CD226: variants seen among roughly 807,000 people sequenced by gnomAD.
CD226 encodes the protein CD226 antigen.
A neutral mutation model predicts 34.9 loss-of-function variants in CD226; 24 were observed. That is an observed-to-expected ratio of 0.69 (90% CI 0.50 to 0.97). CD226 has a LOEUF of 0.97. Among genes scored for constraint, CD226 ranks in the 50% least tolerant of loss-of-function variants. The pLI is 0.00. For missense variants in CD226, 397 were observed against 412.7 expected, an observed-to-expected ratio of 0.96 and a Z score of 0.33; for synonymous variants, 148 against 147.4, an observed-to-expected ratio of 1.00 and a Z score of -0.03.
In CD226 at chr18:69,870,272, CT is replaced by C. The variant is rs66643759; in HGVS notation, c.831-2862del. Among the ~76,000 whole-genome samples the C allele has an allele frequency of 1.0e-2, 1,235 of 124,076 alleles. 26 individuals carry two copies. Among genetic ancestry groups the C allele is most frequent in the East Asian group, 0.098 (418 of 4,264 alleles). 81.4% of individuals were successfully genotyped at this position (124,076 alleles called of 152,430 possible). ...TCTATAGAACACAGTTTGGCTCCCC[CT>C]TTTTTTTTTTTTTTTTTTTGAGACA... On this transcript the variant is annotated intron_variant, in intron 4 of 5. Transcript: ENST00000582621.
chr18:69,901,864 G>A (rs2055190506), intron 2 of CD226, among the ~76,000 whole-genome samples: 1 of 149,572 alleles, frequency 6.7e-6, no homozygotes, highest in Non-Finnish European at 1.5e-5. Context: ...GGGCGACAGA[G>A]CAAGACTCTG....
At chr18:69,913,139 C>T (rs1264105455) in intron 2 of CD226, among the ~76,000 whole-genome samples, 1 of 152,204 alleles carries the variant, frequency 6.6e-6, no homozygotes, top group Non-Finnish European at 1.5e-5. Context: ...GATGCGCCGT[C>T]ATACCTGCCA....
Position 69,947,056 on chromosome 18 carries a change from C to G in CD226, c.60G>C (p.Glu20Asp). 1.2e-6 allele frequency: 2 copies of G among 1,613,278 alleles called. No homozygotes were observed. The highest frequency in any genetic ancestry group is 2.2e-5 in the East Asian group (1 of 44,882). Residue 20 changes from glutamate to aspartate, a missense_variant, in exon 2 of 6, where the codon GAG (glutamate) becomes GAC (aspartate). Transcript: ENST00000582621. ...AGGGAACTGATGTATGCCAAAGCAC[C>G]TCTTCACATAGAGCTGAAATATACA... ...LLHVYRALCE[E>D]VLWHTSVPFA...
At chr18:69,869,255 A>C (rs1019678314) in intron 4 of CD226, among the ~76,000 whole-genome samples, 2 of 152,202 alleles carry the variant, frequency 1.3e-5, no homozygotes, top group African/African-American at 4.8e-5. Context: ...AATCAACCTC[A>C]ATACCCGTCA....
At chr18:69,916,057 A>G (rs1381874403) in intron 2 of CD226, among the ~76,000 whole-genome samples, 2 of 151,684 alleles carry the variant, frequency 1.3e-5, no homozygotes, top group African/African-American at 4.9e-5. Context: ...TTGCCTGTCA[A>G]TAGATTCAAT....
At chr18:69,934,751 A>T (rs1206578118) in intron 2 of CD226, among the ~76,000 whole-genome samples, 1 of 152,186 alleles carries the variant, frequency 6.6e-6, no homozygotes, top group Non-Finnish European at 1.5e-5. Context: ...ATTGTGAATA[A>T]TCTCTCAAGG....
At chr18:69,943,213 T>C (rs2145360037) in intron 2 of CD226, among the ~76,000 whole-genome samples, 1 of 152,306 alleles carries the variant, frequency 6.6e-6, no homozygotes, top group South Asian at 2.1e-4. Context: ...CAGTAAACAC[T>C]AGGTGGCAGA....
At position 69,857,725 on chromosome 18, in the gene CD226, A is replaced by AT. The variant is rs779311476; in HGVS notation, c.*6588dup. The AT allele has an allele frequency of 2.6e-5, 4 of 152,198 alleles. No homozygotes were observed. Among genetic ancestry groups the AT allele is most frequent in the Non-Finnish European group, 5.9e-5 (4 of 68,034 alleles). The allele number at this position is 152,198 out of a possible 1,614,324, so 9.4% of individuals were successfully genotyped here. A position where few individuals can be genotyped will look rare whatever the true frequency, so the allele number is the denominator to read the frequency against. Reference sequence around the variant, plus strand: ...GGAATTTGGAGAACTTATGCTTGGTATTTTAAACTCATGAGAACTTAGTCT... The same window carrying AT: ...GGAATTTGGAGAACTTATGCTTGGTATTTTTAAACTCATGAGAACTTAGTCT... On this transcript the variant is annotated 3_prime_UTR_variant, in exon 6 of 6. Coordinates refer to ENST00000582621, the MANE Select transcript of CD226 (RefSeq NM_001303618.2).
intron 3 of CD226, among the ~76,000 whole-genome samples, chr18:69,884,113 C>T (rs1375649168): frequency 6.6e-6 from 1 of 152,222 alleles, no homozygotes; most frequent in African/African-American, 2.4e-5. Flanking sequence ...CAAGTTCTCA[C>T]ATGCCCACAG....
At chr18:69,874,629 T>C (rs1482442916) in intron 3 of CD226, among the ~76,000 whole-genome samples, 1 of 152,190 alleles carries the variant, frequency 6.6e-6, no homozygotes, top group Non-Finnish European at 1.5e-5. Context: ...TTTCAACCAA[T>C]TCTTCCCCAT....
chr18:69,916,121 G>T (rs1208005281), intron 2 of CD226, among the ~76,000 whole-genome samples: 1 of 152,166 alleles, frequency 6.6e-6, no homozygotes, highest in Non-Finnish European at 1.5e-5. Flanking sequence ...ACATCTAAGT[G>T]ATGCAAATAA....
At position 69,860,747 on chromosome 18, in the gene CD226, T is replaced by C. The variant is rs1000287110; in HGVS notation, c.*3567A>G. ...ATCAGTACTTTCTAGATGTTACATT[T>C]TAATAGTAGCTAAACTAATGATGAC... On this transcript the variant is annotated 3_prime_UTR_variant, in exon 6 of 6. Coordinates refer to ENST00000582621, the MANE Select transcript of CD226 (RefSeq NM_001303618.2). 3 of 152,130 alleles carry C rather than the reference T, an allele frequency of 2.0e-5. No homozygotes were observed. Among genetic ancestry groups the C allele is most frequent in the African/African-American group, 7.2e-5 (3 of 41,454 alleles). 9.4% of individuals were successfully genotyped at this position (152,130 alleles called of 1,614,324 possible).
chr18:69,889,573 A>G (rs1177522871), intron 3 of CD226, among the ~76,000 whole-genome samples: 2 of 152,210 alleles, frequency 1.3e-5, no homozygotes, highest in Non-Finnish European at 2.9e-5. Context: ...GGTTTTTGAC[A>G]GAAATAAAAG....
chr18:69,957,131 C>T (rs951664410), upstream of CD226: 11 of 152,146 alleles, frequency 7.2e-5, no homozygotes, highest in Admixed American at 1.3e-4. Context: ...CCTCTTTTCC[C>T]CCAAAGAATC....
chr18:69,918,008 T>G (rs17081822), intron 2 of CD226, among the ~76,000 whole-genome samples: 6,459 of 152,038 alleles, frequency 0.042, 482 homozygotes, highest in African/African-American at 0.15. Context: ...CATATGAGAT[T>G]AAATTTGTGC....
At chr18:69,901,878 CAA>C (rs372625212) in intron 2 of CD226, among the ~76,000 whole-genome samples, 49 of 109,410 alleles carry the variant, frequency 4.5e-4, no homozygotes, top group South Asian at 3.0e-4. Flanking sequence ...GACTCTGACT[CAA>C]AAAAAAAAAA....
chr18:69,936,595 A>G (rs1236572368), intron 2 of CD226, among the ~76,000 whole-genome samples: 3 of 152,020 alleles, frequency 2.0e-5, no homozygotes, highest in Admixed American at 6.6e-5. Context: ...TAAATGAAAA[A>G]CTGCTAAAAT....
At chr18:69,913,068 C>G (rs1290844271) in intron 2 of CD226, among the ~76,000 whole-genome samples, 1 of 152,134 alleles carries the variant, frequency 6.6e-6, no homozygotes, top group East Asian at 1.9e-4. Flanking sequence ...TAGAAAAGAT[C>G]ACTTCTGATG....
chr18:69,915,318 C>A (rs118158725), intron 2 of CD226, among the ~76,000 whole-genome samples: 1,883 of 152,188 alleles, frequency 0.012, 24 homozygotes, highest in South Asian at 0.037. Context: ...TAAATGAATT[C>A]AATGTTAATA....
Sources: gnomAD v4.1 joint callset for allele counts (sites outside exome capture counted in the v4.1 genomes callset) on GRCh38, gnomAD v4.1.1 for gene constraint, MANE v1.5 for transcripts, NCBI Gene and HGNC (gene_info 2026-07-23, HGNC 2026-07-21) for gene names.